PPARGC1A: variants seen among roughly 807,000 people sequenced by gnomAD.
PPARGC1A encodes peroxisome proliferator-activated receptor gamma coactivator 1-alpha.
PPARGC1A carries 25 observed loss-of-function variants against 88.7 expected under a neutral mutation model. That is an observed-to-expected ratio of 0.28 (90% confidence interval 0.21 to 0.39). The LOEUF (loss-of-function observed/expected upper bound fraction) is 0.39. PPARGC1A is among the 10% of genes least tolerant of loss of function. PPARGC1A has a pLI of 1.00. For synonymous variants in PPARGC1A, 363 were observed against 355.6 expected, an observed-to-expected ratio of 1.02 and a Z score of -0.24; for missense variants, 880 against 968.7, an observed-to-expected ratio of 0.91 and a Z score of 1.22.
At chr4:24,285,864 T>C in the PPARGC1A span, among the ~76,000 whole-genome samples, 2 of 152,146 alleles carry the variant, frequency 1.3e-5, no homozygotes, top group East Asian at 3.9e-4. Flanking sequence ...TGATTTCGTT[T>C]CTCCCCATAA....
At chr4:24,261,017 T>C in the PPARGC1A span, among the ~76,000 whole-genome samples, 2 of 152,134 alleles carry the variant, frequency 1.3e-5, no homozygotes, top group African/African-American at 4.8e-5. Flanking sequence ...TAGGAAGACA[T>C]GGGTATTCCT....
At chr4:24,419,965 AT>A in the PPARGC1A span, among the ~76,000 whole-genome samples, 1 of 152,228 alleles carries the variant, frequency 6.6e-6, no homozygotes, top group Non-Finnish European at 1.5e-5. Context: ...ACATTAAATT[AT>A]TTTCAAACAA....
chr4:24,354,934 CGTTG>C, the PPARGC1A span, among the ~76,000 whole-genome samples: 81 of 152,114 alleles, frequency 5.3e-4, 1 homozygote, highest in African/African-American at 1.9e-3. Flanking sequence ...ACCCTTTTGT[CGTTG>C]GCTTGGACTT....
chr4:23,947,912 C>T, the PPARGC1A span, among the ~76,000 whole-genome samples: 1 of 152,146 alleles, frequency 6.6e-6, no homozygotes, highest in East Asian at 1.9e-4. Flanking sequence ...ATCTCAGAAG[C>T]TCAGCAGGAA....
At chr4:24,223,491 C>G in the PPARGC1A span, among the ~76,000 whole-genome samples, 1 of 152,224 alleles carries the variant, frequency 6.6e-6, no homozygotes, top group African/African-American at 2.4e-5. Flanking sequence ...CTCAAATGAT[C>G]TGCTTTCCTC....
intron 10 of PPARGC1A, among the ~76,000 whole-genome samples, chr4:23,805,130 C>A (rs896524047): frequency 6.6e-6 from 1 of 151,100 alleles, no homozygotes; most frequent in African/African-American, 2.4e-5. Context: ...ACACTTATCC[C>A]ATTCCCTTCA....
the PPARGC1A span, among the ~76,000 whole-genome samples, chr4:24,386,588 T>C: frequency 1.3e-5 from 2 of 152,262 alleles, no homozygotes; most frequent in African/African-American, 4.8e-5. Flanking sequence ...AGCATTCCTA[T>C]ACACCAATAA....
At chr4:24,288,798 AAGTGAAT>A in the PPARGC1A span, among the ~76,000 whole-genome samples, 1 of 152,226 alleles carries the variant, frequency 6.6e-6, no homozygotes, top group Admixed American at 6.5e-5. Flanking sequence ...CAACACAACC[AAGTGAAT>A]AGTAAGTTCC....
chr4:23,801,844 C>A lies in PPARGC1A; in HGVS notation c.2179G>T (p.Asp727Tyr). The change falls in exon 12 of 13, where the codon GAT (aspartate) becomes TAT (tyrosine). Residue 727 changes from aspartate (D) to tyrosine (Y), a missense_variant. Asp to Tyr is a radical substitution (Grantham distance 160). Transcript: ENST00000264867. ...YGFITYRYTCDAFAALENGYT... is the reference protein window; with the variant it reads ...YGFITYRYTCYAFAALENGYT... The stretch of plus-strand genomic sequence containing the variant: ...CCATTTTCAAGAGCAGCAAAAGCAT[C>A]ACAGGTATAACGGTAGGTAATGAAA... 6.2e-7 allele frequency: 1 copy of A among 1,613,988 alleles called. No homozygotes were observed. Among genetic ancestry groups the A allele is most frequent in the South Asian group, 1.1e-5 (1 of 91,082 alleles).
chr4:24,373,077 C>A, the PPARGC1A span, among the ~76,000 whole-genome samples: 1 of 152,160 alleles, frequency 6.6e-6, no homozygotes, highest in Admixed American at 6.5e-5. Context: ...CAGTCCAGTT[C>A]TACATTCTGG....
At chr4:24,061,249 G>A in the PPARGC1A span, among the ~76,000 whole-genome samples, 1 of 152,106 alleles carries the variant, frequency 6.6e-6, no homozygotes, top group African/African-American at 2.4e-5. Context: ...GGTGAATGTG[G>A]GTTGGATTCA....
upstream of PPARGC1A, among the ~76,000 whole-genome samples, chr4:23,891,482 A>C (rs1224550829): frequency 2.0e-5 from 3 of 152,200 alleles, no homozygotes; most frequent in Admixed American, 1.3e-4. Context: ...ATTTGCCCTA[A>C]CACATATTTT....
At chr4:24,278,961 G>C in the PPARGC1A span, among the ~76,000 whole-genome samples, 1 of 151,974 alleles carries the variant, frequency 6.6e-6, no homozygotes, top group Admixed American at 6.6e-5. Flanking sequence ...TCCTAGATAC[G>C]TTTTCCCACA....
chr4:24,354,011 G>A, the PPARGC1A span, among the ~76,000 whole-genome samples: 3 of 152,300 alleles, frequency 2.0e-5, no homozygotes, highest in Non-Finnish European at 4.4e-5. Context: ...TAGGTCAGAA[G>A]TCTGCCGCGG....
At chr4:23,934,550 G>A in the PPARGC1A span, among the ~76,000 whole-genome samples, 2 of 152,206 alleles carry the variant, frequency 1.3e-5, no homozygotes, top group African/African-American at 4.8e-5. Flanking sequence ...GAATGATGGA[G>A]AGACTTCATG....
the PPARGC1A span, among the ~76,000 whole-genome samples, chr4:24,079,741 G>A: frequency 9.9e-5 from 15 of 151,590 alleles, no homozygotes; most frequent in Non-Finnish European, 1.9e-4. Flanking sequence ...ACACTTTTCC[G>A]CCTGAAATTT....
chr4:24,460,602 T>G, the PPARGC1A span, among the ~76,000 whole-genome samples: 17 of 152,194 alleles, frequency 1.1e-4, no homozygotes, highest in Admixed American at 1.1e-3. Context: ...TAGCAATAAG[T>G]CCTATTTTCT....
At chr4:23,952,107 A>G in the PPARGC1A span, among the ~76,000 whole-genome samples, 36 of 152,246 alleles carry the variant, frequency 2.4e-4, no homozygotes, top group Admixed American at 2.2e-3. Context: ...TTTAAATGCC[A>G]TATTGCATTT....
At chr4:24,309,140 AG>A in the PPARGC1A span, among the ~76,000 whole-genome samples, 2 of 140,372 alleles carry the variant, frequency 1.4e-5, no homozygotes, top group South Asian at 2.4e-4. Context: ...TAGTGTGGAA[AG>A]AAAAAAAAAG....
Sources: gnomAD v4.1 joint callset for allele counts (sites outside exome capture counted in the v4.1 genomes callset) on GRCh38, gnomAD v4.1.1 for gene constraint, MANE v1.5 for transcripts, NCBI Gene and HGNC (gene_info 2026-07-23, HGNC 2026-07-21) for gene names.